The following IMMP2L variants were observed in gnomAD, a reference collection of about 807,000 sequenced individuals.
The protein encoded by IMMP2L is inner mitochondrial membrane peptidase subunit 2.
In IMMP2L, 18 loss-of-function variants were observed where a neutral mutation model predicts 19.3. The ratio of observed to expected loss-of-function variants is 0.93; its 90% CI spans 0.64 to 1.38. The LOEUF (loss-of-function observed/expected upper bound fraction) is 1.38. IMMP2L is among the 40% of genes most tolerant of loss of function. IMMP2L has a pLI of 0.00. For synonymous variants in IMMP2L, 76 were observed against 73.0 expected, an observed-to-expected ratio of 1.04 and a Z score of -0.21; for missense variants, 233 against 218.2, an observed-to-expected ratio of 1.07 and a Z score of -0.43.
chr7:111,188,670 G>A (rs565773149), intron 3 of IMMP2L, among the ~76,000 whole-genome samples: 12 of 152,130 alleles, frequency 7.9e-5, no homozygotes, highest in Non-Finnish European at 1.5e-4. Context: ...TGTCCTGGGA[G>A]GAGTTAATTT....
chr7:110,816,278 G>T (rs1442224980), intron 5 of IMMP2L, among the ~76,000 whole-genome samples: 1 of 152,094 alleles, frequency 6.6e-6, no homozygotes, highest in Non-Finnish European at 1.5e-5. Context: ...GAGCGGCTTT[G>T]AGTGAGATTC....
At chr7:111,371,545 G>A (rs28416340) in intron 3 of IMMP2L, among the ~76,000 whole-genome samples, 3,488 of 152,020 alleles carry the variant, frequency 0.023, 139 homozygotes, top group African/African-American at 0.079. Flanking sequence ...CTATAGCATA[G>A]GAGTACCAGA....
intron 5 of IMMP2L, among the ~76,000 whole-genome samples, chr7:110,858,025 G>A (rs1806987726): frequency 6.6e-6 from 1 of 151,990 alleles, no homozygotes; most frequent in Non-Finnish European, 1.5e-5. Context: ...CCAAACAGAT[G>A]CCTAACTACA....
At chr7:111,419,808 T>G (rs990588180) in intron 3 of IMMP2L, among the ~76,000 whole-genome samples, 1 of 151,412 alleles carries the variant, frequency 6.6e-6, no homozygotes, top group African/African-American at 2.4e-5. Flanking sequence ...GAGACCTGTC[T>G]CAGATTTTCA....
chr7:110,705,421 G>A (rs1794590908), intron 5 of IMMP2L, among the ~76,000 whole-genome samples: 1 of 151,556 alleles, frequency 6.6e-6, no homozygotes, highest in African/African-American at 2.4e-5. Context: ...GAACTGATTT[G>A]TCCAACCCCT....
intron 5 of IMMP2L, among the ~76,000 whole-genome samples, chr7:110,857,453 T>A (rs936950310): frequency 2.0e-5 from 3 of 152,068 alleles, no homozygotes; most frequent in African/African-American, 4.8e-5. Flanking sequence ...TAAGAAAAAT[T>A]TGACTAACAT....
chr7:111,326,985 GA>G (rs529484383), intron 3 of IMMP2L, among the ~76,000 whole-genome samples: 1 of 151,710 alleles, frequency 6.6e-6, no homozygotes, highest in Non-Finnish European at 1.5e-5. Flanking sequence ...TAGATGAAAG[GA>G]TAAGGAAAAC....
intron 3 of IMMP2L, among the ~76,000 whole-genome samples, chr7:111,139,651 G>C (rs1802683115): frequency 2.0e-5 from 3 of 152,036 alleles, no homozygotes. Context: ...CTAGAAAGTT[G>C]TTCTTTTTGT....
At chr7:110,997,520 C>T (rs1823170657) in intron 3 of IMMP2L, among the ~76,000 whole-genome samples, 1 of 152,074 alleles carries the variant, frequency 6.6e-6, no homozygotes, top group Non-Finnish European at 1.5e-5. Context: ...TCCTCGCAAG[C>T]ATTTGGTGTT....
intron 2 of IMMP2L, among the ~76,000 whole-genome samples, chr7:111,494,188 G>A (rs1432388258): frequency 6.6e-6 from 1 of 152,156 alleles, no homozygotes; most frequent in South Asian, 2.1e-4. Flanking sequence ...ATAATAAAGT[G>A]TTTGAAGAAA....
At chr7:110,980,474 C>T (rs1821182854) in intron 3 of IMMP2L, among the ~76,000 whole-genome samples, 1 of 151,824 alleles carries the variant, frequency 6.6e-6, no homozygotes, top group Non-Finnish European at 1.5e-5. Context: ...CCTCGGCCTC[C>T]CAGAGTGCTG....
At chr7:111,109,386 T>C (rs1169688935) in intron 3 of IMMP2L, among the ~76,000 whole-genome samples, 1 of 152,176 alleles carries the variant, frequency 6.6e-6, no homozygotes, top group Admixed American at 6.6e-5. Flanking sequence ...GAAAGTATCA[T>C]TTAATTTCAC....
chr7:110,925,382 G>A (rs1013175998), intron 4 of IMMP2L, among the ~76,000 whole-genome samples: 6 of 151,948 alleles, frequency 3.9e-5, no homozygotes, highest in African/African-American at 9.7e-5. Flanking sequence ...CCTATCCCCC[G>A]GATACTCTCA....
chr7:111,354,018 A>G (rs1828448569), intron 3 of IMMP2L, among the ~76,000 whole-genome samples: 1 of 152,128 alleles, frequency 6.6e-6, no homozygotes, highest in Non-Finnish European at 1.5e-5. Context: ...TGGTAAGACC[A>G]GATATTACTC....
intron 3 of IMMP2L, among the ~76,000 whole-genome samples, chr7:111,282,749 AATT>A (rs1219376577): frequency 6.6e-6 from 1 of 152,072 alleles, no homozygotes; most frequent in Non-Finnish European, 1.5e-5. Flanking sequence ...ATGCTAAGCT[AATT>A]TTTGTGTGTT....
intron 3 of IMMP2L, among the ~76,000 whole-genome samples, chr7:111,354,441 C>T (rs1465376416): frequency 1.3e-5 from 2 of 151,302 alleles, no homozygotes. Context: ...TGGAAATAGA[C>T]AGGAAAAATC....
At chr7:110,887,740 CT>C (rs200175790) in intron 4 of IMMP2L, among the ~76,000 whole-genome samples, 38 of 145,052 alleles carry the variant, frequency 2.6e-4, no homozygotes, top group Admixed American at 2.8e-4. Context: ...GCAGAGACTG[CT>C]TTTTTTTTTT....
chr7:111,431,263 A>C (rs1292927482), intron 3 of IMMP2L, among the ~76,000 whole-genome samples: 2 of 151,868 alleles, frequency 1.3e-5, no homozygotes, highest in African/African-American at 2.4e-5. Context: ...AAGAGAGAAA[A>C]TGCAACCTGT....
chr7:110,800,620 G>A (rs764003529), intron 5 of IMMP2L, among the ~76,000 whole-genome samples: 21 of 152,146 alleles, frequency 1.4e-4, no homozygotes, highest in Non-Finnish European at 2.9e-4. Context: ...ATATATGGAT[G>A]TAGATAACAC....
Sources: gnomAD v4.1 joint callset for allele counts (sites outside exome capture counted in the v4.1 genomes callset) on GRCh38, gnomAD v4.1.1 for gene constraint, MANE v1.5 for transcripts, NCBI Gene and HGNC (gene_info 2026-07-23, HGNC 2026-07-21) for gene names.